BET1: variants seen among roughly 807,000 people sequenced by gnomAD.
The protein encoded by BET1 is Bet1 golgi vesicular membrane trafficking protein.
A neutral mutation model predicts 13.9 loss-of-function variants in BET1; 9 were observed. That is an observed-to-expected ratio of 0.65 (90% CI 0.39 to 1.13). BET1 has a LOEUF of 1.13. BET1 is among the 50% of genes most tolerant of loss of function. The pLI is 0.01. For synonymous variants in BET1, 39 were observed against 47.3 expected, an observed-to-expected ratio of 0.82 and a Z score of 0.72; for missense variants, 127 against 133.6, an observed-to-expected ratio of 0.95 and a Z score of 0.24.
exon 7 of BET1, chr7:93,964,970 T>C (rs1015406787): frequency 6.6e-6 from 1 of 152,138 alleles, no homozygotes; most frequent in Admixed American, 6.6e-5. Flanking sequence ...ATCCCATTAC[T>C]GAGTATCTAT....
chr7:93,989,481 G>T (rs1046131311), downstream of BET1, among the ~76,000 whole-genome samples: 4 of 152,132 alleles, frequency 2.6e-5, no homozygotes, highest in African/African-American at 7.2e-5. Flanking sequence ...ATGCCCAAAA[G>T]GTAGATTCAG....
At chr7:93,978,058 G>A (rs927945906) in intron 4 of BET1, among the ~76,000 whole-genome samples, 3 of 148,222 alleles carry the variant, frequency 2.0e-5, no homozygotes, top group African/African-American at 7.6e-5. Flanking sequence ...TCAAAATGTG[G>A]CATCTGCAAC....
intron 3 of BET1, among the ~76,000 whole-genome samples, 165 bp from the exon 4 acceptor site, chr7:93,994,550 C>T (rs1319938411): frequency 6.6e-6 from 1 of 152,178 alleles, no homozygotes; most frequent in Non-Finnish European, 1.5e-5. Flanking sequence ...AGCCTGATTT[C>T]TCCATGCAAA....
Position 93,994,176 on chromosome 7 carries a change from G to C in BET1, c.*54C>G. On this transcript the variant is annotated 3_prime_UTR_variant, in exon 4 of 4. Transcript: ENST00000222547. ...TGTTTTGATGCTGATTTTTATCAAA[G>C]TGGTACTGCAAGCCATTAAGTTGGA... The C allele has an allele frequency of 6.5e-7, 1 of 1,549,106 alleles. No homozygotes were observed. The highest frequency in any genetic ancestry group is 8.7e-7 in the Non-Finnish European group (1 of 1,149,768).
intron 4 of BET1, among the ~76,000 whole-genome samples, chr7:93,983,693 G>C (rs963210368): frequency 3.3e-5 from 5 of 152,108 alleles, no homozygotes; most frequent in African/African-American, 1.2e-4. Flanking sequence ...GCCTCATTCA[G>C]GTTGCTGCTT....
intron 1 of BET1, among the ~76,000 whole-genome samples, chr7:94,000,720 G>T (rs113472300): frequency 1.7e-3 from 252 of 152,238 alleles, no homozygotes; most frequent in African/African-American, 5.9e-3. Flanking sequence ...GCCCCAAGAG[G>T]TTGAGACTGC....
chr7:93,991,618 A>G (rs145137028), downstream of BET1: 223 of 178,666 alleles, frequency 1.2e-3, 1 homozygote, highest in African/African-American at 5.0e-3. Context: ...GTATATTTCT[A>G]TATTTTTATA....
intron 2 of BET1, among the ~76,000 whole-genome samples, chr7:93,998,756 G>T (rs1333501640): frequency 6.6e-6 from 1 of 151,966 alleles, no homozygotes; most frequent in African/African-American, 2.4e-5. Flanking sequence ...GAAAGGCAAA[G>T]ATAGAAACAT....
intron 4 of BET1, among the ~76,000 whole-genome samples, chr7:93,982,922 C>T (rs1795452391): frequency 6.6e-6 from 1 of 152,062 alleles, no homozygotes. Flanking sequence ...ATGTACATTT[C>T]TCATAATACG....
chr7:93,990,072 G>C (rs1355723577), downstream of BET1, among the ~76,000 whole-genome samples: 1 of 151,824 alleles, frequency 6.6e-6, no homozygotes, highest in African/African-American at 2.4e-5. Context: ...GCCTTTTACA[G>C]ATTTTAAATA....
chr7:93,983,112 T>G (rs1795456779), intron 4 of BET1, among the ~76,000 whole-genome samples: 1 of 152,124 alleles, frequency 6.6e-6, no homozygotes, highest in Non-Finnish European at 1.5e-5. Context: ...TCTGGGAGAT[T>G]CCCATTTTAG....
chr7:93,991,924 G>A, downstream of BET1: 1 of 979,856 alleles, frequency 1.0e-6, no homozygotes, highest in Non-Finnish European at 1.2e-6. Context: ...AAATTTAGGA[G>A]CATTAAAAAA....
intron 4 of BET1, among the ~76,000 whole-genome samples, chr7:93,986,294 A>C (rs1416644277): frequency 1.3e-5 from 2 of 152,206 alleles, no homozygotes; most frequent in Non-Finnish European, 2.9e-5. Context: ...GGAAAGTTTT[A>C]GCTCTGAAAA....
At chr7:93,982,116 C>T (rs1795439416) in intron 4 of BET1, among the ~76,000 whole-genome samples, 1 of 151,802 alleles carries the variant, frequency 6.6e-6, no homozygotes, top group African/African-American at 2.4e-5. Context: ...TCATAATCTG[C>T]TAAAGGCAGG....
chr7:93,980,183 G>A (rs1302144686), intron 4 of BET1, among the ~76,000 whole-genome samples: 1 of 152,130 alleles, frequency 6.6e-6, no homozygotes, highest in Admixed American at 6.6e-5. Context: ...TGGCTTCACT[G>A]GTGAACTCTA....
At chr7:93,984,589 T>A (rs1353248840) in intron 4 of BET1, among the ~76,000 whole-genome samples, 1 of 151,750 alleles carries the variant, frequency 6.6e-6, no homozygotes, top group Non-Finnish European at 1.5e-5. Flanking sequence ...AAAAAAAAAA[T>A]GTTGTAATTA....
chr7:93,977,249 C>A (rs1359241219), intron 4 of BET1, among the ~76,000 whole-genome samples: 2 of 152,016 alleles, frequency 1.3e-5, no homozygotes, highest in Non-Finnish European at 2.9e-5. Context: ...TTACTTGAGG[C>A]CAGGAGTTTG....
intron 5 of BET1, among the ~76,000 whole-genome samples, chr7:93,972,957 ATCATT>A (rs1458347460): frequency 6.6e-6 from 1 of 151,550 alleles, no homozygotes; most frequent in Non-Finnish European, 1.5e-5. Flanking sequence ...TCTTCTGCAT[ATCATT>A]TATTTTTGAA....
intron 6 of BET1, among the ~76,000 whole-genome samples, chr7:93,968,937 T>C (rs1584122135): frequency 1.3e-5 from 2 of 151,876 alleles, no homozygotes; most frequent in East Asian, 3.9e-4. Context: ...TCAATGTCTA[T>C]GAATTTGACC....
Sources: gnomAD v4.1 joint callset for allele counts (sites outside exome capture counted in the v4.1 genomes callset) on GRCh38, gnomAD v4.1.1 for gene constraint, MANE v1.5 for transcripts, NCBI Gene and HGNC (gene_info 2026-07-23, HGNC 2026-07-21) for gene names.